Variants in RPIA observed in about 807,000 individuals in gnomAD.
The protein encoded by RPIA is ribose-5-phosphate isomerase.
In RPIA, 29 loss-of-function variants were observed where a neutral mutation model predicts 37.8. The ratio of observed to expected loss-of-function variants is 0.77; its 90% CI spans 0.57 to 1.05. RPIA has a LOEUF of 1.05. Among genes scored for constraint, RPIA ranks in the 50% least tolerant of loss-of-function variants. The probability of loss-of-function intolerance (pLI) is 0.00; values close to 1 mark genes in which losing one functional copy is unlikely to be tolerated. For synonymous variants in RPIA, 167 were observed against 157.0 expected (o/e 1.06, Z -0.48); for missense variants, 385 against 413.6 (o/e 0.93, Z 0.60).
chr2:88,712,242 G>T (rs1672969753), intron 3 of RPIA, among the ~76,000 whole-genome samples: 1 of 149,698 alleles, frequency 6.7e-6, no homozygotes, highest in Non-Finnish European at 1.5e-5. Flanking sequence ...GGAGAGAAAT[G>T]ATTGATTTTC....
chr2:88,739,759 A>T lies in RPIA; in HGVS notation c.838+1683A>T, dbSNP rs2104140403. On this transcript the variant is annotated intron_variant, in intron 8 of 8. Coordinates refer to ENST00000283646, the MANE Select transcript of RPIA (RefSeq NM_144563.3). ...CAGCGTCCCCAGTAGATGGGACTGCAGACACACACCACCAGGACCGGCTAA... is the reference window on the plus strand; with the variant it reads ...CAGCGTCCCCAGTAGATGGGACTGCTGACACACACCACCAGGACCGGCTAA... 2.0e-5 allele frequency among the ~76,000 whole-genome samples: 3 copies of T among 152,220 alleles called. No individual in the cohort carries two copies. In the South Asian group the frequency reaches 6.2e-4, roughly 32 times the overall value.
intron 8 of RPIA, among the ~76,000 whole-genome samples, chr2:88,743,708 C>G (rs552095335): frequency 6.6e-6 from 1 of 151,896 alleles, no homozygotes; most frequent in Admixed American, 6.6e-5. Flanking sequence ...GTTTCAGTGT[C>G]GCTGCTTGTT....
At chr2:88,741,941 T>C (rs914894132) in intron 8 of RPIA, among the ~76,000 whole-genome samples, 5 of 152,220 alleles carry the variant, frequency 3.3e-5, no homozygotes, top group African/African-American at 1.2e-4. Flanking sequence ...TCCTTATATA[T>C]TCTAGATATT....
At chr2:88,715,153 C>G (rs1262830338) in intron 3 of RPIA, among the ~76,000 whole-genome samples, 13 of 152,206 alleles carry the variant, frequency 8.5e-5, no homozygotes, top group Admixed American at 8.5e-4. Flanking sequence ...GAGGAATCCT[C>G]AAATCCGTCT....
At chr2:88,705,143 A>G (rs1672882296) in intron 3 of RPIA, among the ~76,000 whole-genome samples, 1 of 152,230 alleles carries the variant, frequency 6.6e-6, no homozygotes, top group African/African-American at 2.4e-5. Flanking sequence ...ATTACTGCCC[A>G]AAGTAATTTA....
chr2:88,728,064 G>A (rs1474366482), intron 3 of RPIA, among the ~76,000 whole-genome samples: 4 of 152,040 alleles, frequency 2.6e-5, no homozygotes, highest in Admixed American at 6.5e-5. Context: ...CAAATTCCAG[G>A]CATAATATCA....
At chr2:88,738,460 A>C (rs1673342888) in intron 8 of RPIA, among the ~76,000 whole-genome samples, 1 of 152,206 alleles carries the variant, frequency 6.6e-6, no homozygotes, top group Admixed American at 6.5e-5. Flanking sequence ...AAAATGACTC[A>C]GTTAATCCAC....
chr2:88,734,816 C>G (rs1673295772), intron 5 of RPIA, among the ~76,000 whole-genome samples, 200 bp downstream of exon 5: 1 of 152,104 alleles, frequency 6.6e-6, no homozygotes, highest in Non-Finnish European at 1.5e-5. Context: ...GAACCTGGGC[C>G]TCTTTAGTGA....
intron 1 of RPIA, among the ~76,000 whole-genome samples, chr2:88,692,287 A>AG (rs566155525): frequency 1.3e-5 from 2 of 152,282 alleles, no homozygotes; most frequent in East Asian, 3.9e-4. Context: ...TGGGGGCTAG[A>AG]GGCACTTGCC....
intron 3 of RPIA, among the ~76,000 whole-genome samples, chr2:88,722,259 A>G (rs935408862): frequency 1.3e-5 from 2 of 152,138 alleles, no homozygotes; most frequent in African/African-American, 4.8e-5. Flanking sequence ...TGAACCAAAC[A>G]AAAATTGTTC....
intron 3 of RPIA, among the ~76,000 whole-genome samples, chr2:88,710,261 T>G (rs10201199): frequency 0.065 from 9,935 of 152,066 alleles, 589 homozygotes; most frequent in African/African-American, 0.16. Context: ...GTGCAGGCTG[T>G]TCTCGAACTC....
intron 3 of RPIA, among the ~76,000 whole-genome samples, chr2:88,709,413 T>C (rs969442764): frequency 3.3e-5 from 5 of 152,176 alleles, no homozygotes; most frequent in Admixed American, 1.3e-4. Context: ...CAAAGGAAAA[T>C]GCCCTTGATA....
intron 1 of RPIA, among the ~76,000 whole-genome samples, chr2:88,692,728 C>G (rs1676956221): frequency 6.6e-6 from 1 of 152,110 alleles, no homozygotes; most frequent in South Asian, 2.1e-4. Context: ...TATGTCTGCC[C>G]TGTGGTGTAG....
In RPIA at chr2:88,729,333, CAGAGGT is replaced by C. The variant is rs771026725; in HGVS notation, c.460_462+3del. On this transcript the variant is annotated splice_donor_variant and coding_sequence_variant, in exon 4 of 9. Coordinates refer to ENST00000283646, the MANE Select transcript of RPIA (RefSeq NM_144563.3). LOFTEE classifies it high-confidence loss of function. ...ACCCTCAGTGATCTGGATCGACACC[CAGAGGT>C]AAGATTGCCACTCAGAGGCAGACCA... 1.2e-6 allele frequency: 2 copies of C among 1,614,166 alleles called. No individual in the cohort carries two copies. The highest frequency in any genetic ancestry group is 8.5e-7 in the Non-Finnish European group (1 of 1,180,004).
At chr2:88,737,742 C>G (rs1449603055) in intron 7 of RPIA, among the ~76,000 whole-genome samples, 1 of 151,120 alleles carries the variant, frequency 6.6e-6, no homozygotes, top group Non-Finnish European at 1.5e-5. Flanking sequence ...TAGCTTGATA[C>G]ATTTGTTAAG....
At chr2:88,703,032 A>G (rs1377955940) in intron 3 of RPIA, among the ~76,000 whole-genome samples, 1 of 152,204 alleles carries the variant, frequency 6.6e-6, no homozygotes, top group Non-Finnish European at 1.5e-5. Flanking sequence ...TAAAGCGCCA[A>G]AATGATCTCC....
intron 3 of RPIA, among the ~76,000 whole-genome samples, chr2:88,709,748 T>TA (rs1205575311): frequency 2.6e-5 from 4 of 152,122 alleles, no homozygotes; most frequent in Non-Finnish European, 4.4e-5. Flanking sequence ...GGAACTCATT[T>TA]AAAAAAAATA....
At chr2:88,718,393 T>C (rs907204901) in intron 3 of RPIA, among the ~76,000 whole-genome samples, 1 of 152,228 alleles carries the variant, frequency 6.6e-6, no homozygotes, top group Non-Finnish European at 1.5e-5. Context: ...CTTTGTTCCA[T>C]AGAAGGAATC....
intron 8 of RPIA, among the ~76,000 whole-genome samples, chr2:88,738,332 T>C (rs1172127310): frequency 6.6e-6 from 1 of 152,238 alleles, no homozygotes; most frequent in African/African-American, 2.4e-5. Flanking sequence ...GTCCTGAAGC[T>C]GATGGAAGTT....
Sources: gnomAD v4.1 joint callset for allele counts (sites outside exome capture counted in the v4.1 genomes callset) on GRCh38, gnomAD v4.1.1 for gene constraint, MANE v1.5 for transcripts, NCBI Gene and HGNC (gene_info 2026-07-23, HGNC 2026-07-21) for gene names.